MARCHF1: variants seen among roughly 807,000 people sequenced by gnomAD.
The protein encoded by MARCHF1 is E3 ubiquitin-protein ligase MARCHF1.
Under a neutral mutation model 54.2 loss-of-function variants are expected in MARCHF1, and 40 were observed. The ratio of observed to expected loss-of-function variants is 0.74; its 90% CI spans 0.57 to 0.96. The LOEUF is 0.96. Among genes scored for constraint, MARCHF1 ranks in the 40% least tolerant of loss-of-function variants. MARCHF1 has a pLI of 0.00. For missense variants in MARCHF1, 586 were observed against 656.5 expected, an observed-to-expected ratio of 0.89 and a Z score of 1.17; for synonymous variants, 236 against 236.3, an observed-to-expected ratio of 1.00 and a Z score of 0.01.
At chr4:164,311,198 T>C (rs1028539849) in intron 1 of MARCHF1, among the ~76,000 whole-genome samples, 10 of 152,158 alleles carry the variant, frequency 6.6e-5, no homozygotes, top group African/African-American at 2.4e-4. Flanking sequence ...GATAGATATG[T>C]ACTGATCTAT....
At chr4:163,723,353 C>G (rs554825487) in intron 4 of MARCHF1, among the ~76,000 whole-genome samples, 1 of 152,164 alleles carries the variant, frequency 6.6e-6, no homozygotes, top group Non-Finnish European at 1.5e-5. Context: ...ATATTGGCCC[C>G]CACTCTCTTC....
chr4:163,749,259 C>A (rs141388932), intron 4 of MARCHF1, among the ~76,000 whole-genome samples: 5 of 151,948 alleles, frequency 3.3e-5, no homozygotes, highest in Non-Finnish European at 7.4e-5. Context: ...TCATTACTGA[C>A]CTTTCTAAAT....
intron 3 of MARCHF1, among the ~76,000 whole-genome samples, chr4:163,897,597 T>C (rs903406132): frequency 2.6e-5 from 4 of 151,492 alleles, no homozygotes; most frequent in African/African-American, 9.7e-5. Flanking sequence ...ATCAACAAAG[T>C]TGACAAAAAT....
chr4:163,669,748 G>A (rs765891674), intron 5 of MARCHF1, among the ~76,000 whole-genome samples: 3 of 151,948 alleles, frequency 2.0e-5, no homozygotes, highest in Non-Finnish European at 4.4e-5. Context: ...ACAGGCACCT[G>A]CCACCATACC....
intron 5 of MARCHF1, among the ~76,000 whole-genome samples, chr4:163,657,763 T>C (rs145321903): frequency 6.6e-6 from 1 of 152,238 alleles, no homozygotes; most frequent in East Asian, 1.9e-4. Context: ...ACTACACATC[T>C]ACAGCCATCT....
At chr4:164,234,641 G>A (rs888358725) in intron 1 of MARCHF1, among the ~76,000 whole-genome samples, 1 of 152,056 alleles carries the variant, frequency 6.6e-6, no homozygotes, top group Non-Finnish European at 1.5e-5. Flanking sequence ...CCTTTTTCAA[G>A]CTTTTTCAAG....
chr4:163,664,142 G>A (rs1291884602), intron 5 of MARCHF1, among the ~76,000 whole-genome samples: 1 of 152,076 alleles, frequency 6.6e-6, no homozygotes, highest in Non-Finnish European at 1.5e-5. Flanking sequence ...GAAACAAACA[G>A]GAAGAAGTTT....
rs60753810 is a variant in MARCHF1, at chr4:164,081,207, CAAAAAAAAAAA to C, written c.-248+30370_-248+30380del. Among the ~76,000 whole-genome samples the C allele has an allele frequency of 6.0e-3, 110 of 18,402 alleles. 4 individuals are homozygous for C. The East Asian group carries it at 0.089, about 15-fold the overall frequency. 12.1% of individuals were successfully genotyped at this position (18,402 alleles called of 152,430 possible). On this transcript the variant is annotated intron_variant, in intron 2 of 9. Coordinates refer to ENST00000514618, the MANE Select transcript of MARCHF1 (RefSeq NM_001394959.1). Reference sequence around the variant, plus strand: ...TGGGCGACAGAGCCAGACGCTGTCTCAAAAAAAAAAAAAAAAAAAAAAAAAAAAAAGAAATA... The same window carrying C: ...TGGGCGACAGAGCCAGACGCTGTCTCAAAAAAAAAAAAAAAAAAAGAAATA...
In MARCHF1 at chr4:163,751,133, TTGTGTGTG is replaced by T. The variant is rs70948664; in HGVS notation, c.112-50278_112-50271del. ...GACAGAGGTGTCAGCTATTACCACTTTGTGTGTGTGTGTGTGTGTGTGTGTGTGTGTGT... is the reference window on the plus strand; with the variant it reads ...GACAGAGGTGTCAGCTATTACCACTTTGTGTGTGTGTGTGTGTGTGTGTGT... On this transcript the variant is annotated intron_variant, in intron 4 of 9. Coordinates refer to ENST00000514618, the MANE Select transcript of MARCHF1 (RefSeq NM_001394959.1). Among the ~76,000 whole-genome samples, 847 of 147,176 alleles carry T rather than the reference TTGTGTGTG, an allele frequency of 5.8e-3. 7 individuals carry two copies. Among genetic ancestry groups the T allele is most frequent in the African/African-American group, 0.014 (562 of 39,578 alleles).
At chr4:164,264,753 C>G (rs774175021) in intron 1 of MARCHF1, among the ~76,000 whole-genome samples, 23 of 151,920 alleles carry the variant, frequency 1.5e-4, no homozygotes, top group Non-Finnish European at 3.1e-4. Context: ...AACCCCATCT[C>G]TACTAAAAAT....
At chr4:164,149,176 G>A (rs374003395) in intron 1 of MARCHF1, among the ~76,000 whole-genome samples, 9 of 152,240 alleles carry the variant, frequency 5.9e-5, no homozygotes, top group African/African-American at 2.2e-4. Flanking sequence ...TAAATTTCCT[G>A]ATGCCTCATC....
At chr4:164,210,645 T>G (rs1221785950) in intron 1 of MARCHF1, among the ~76,000 whole-genome samples, 2 of 151,942 alleles carry the variant, frequency 1.3e-5, no homozygotes, top group Admixed American at 1.3e-4. Flanking sequence ...AAGAAATGAG[T>G]GGATAAGTTC....
At chr4:164,145,441 G>T (rs144076815) in intron 1 of MARCHF1, among the ~76,000 whole-genome samples, 3 of 151,840 alleles carry the variant, frequency 2.0e-5, no homozygotes, top group African/African-American at 7.3e-5. Flanking sequence ...CTGGCAAAAC[G>T]AATCCAGCAG....
chr4:164,082,903 A>G (rs978193156), intron 2 of MARCHF1, among the ~76,000 whole-genome samples: 20 of 152,208 alleles, frequency 1.3e-4, no homozygotes, highest in African/African-American at 4.8e-4. Context: ...AATTTGAATC[A>G]ACATTAAAAA....
At chr4:163,783,540 G>A (rs1747529529) in intron 4 of MARCHF1, among the ~76,000 whole-genome samples, 1 of 152,164 alleles carries the variant, frequency 6.6e-6, no homozygotes, top group South Asian at 2.1e-4. Context: ...TGAGATCTGA[G>A]TCATCTGTCT....
At chr4:163,634,423 CA>C (rs1309438479) in intron 5 of MARCHF1, among the ~76,000 whole-genome samples, 2 of 143,422 alleles carry the variant, frequency 1.4e-5, no homozygotes, top group Non-Finnish European at 3.0e-5. Flanking sequence ...AAATGGAAAA[CA>C]AAAAAAGGCA....
In MARCHF1 at chr4:164,170,324, T is replaced by C. The variant is rs141667781; in HGVS notation, c.-322-58662A>G. Among the ~76,000 whole-genome samples the C allele has an allele frequency of 4.2e-4, 64 of 152,216 alleles. 1 individual carries two copies. The East Asian group carries it at 0.012, about 28-fold the overall frequency. On this transcript the variant is annotated intron_variant, in intron 1 of 9. Transcript: ENST00000514618. ...AAGCTTAACAGGTATTAACTGCTTTTAATGAAAATATCTTTAGAGTTTGTG... is the reference window on the plus strand; with the variant it reads ...AAGCTTAACAGGTATTAACTGCTTTCAATGAAAATATCTTTAGAGTTTGTG...
chr4:164,156,630 C>T (rs1054789497), intron 1 of MARCHF1, among the ~76,000 whole-genome samples: 12 of 152,050 alleles, frequency 7.9e-5, no homozygotes, highest in African/African-American at 2.9e-4. Context: ...CCATGTTGCC[C>T]AGGTCGGTCT....
intron 4 of MARCHF1, among the ~76,000 whole-genome samples, chr4:163,777,470 T>C (rs1346543100): frequency 6.6e-6 from 1 of 152,086 alleles, no homozygotes; most frequent in African/African-American, 2.4e-5. Flanking sequence ...AGGCATTACA[T>C]GTTCACTGCA....
Sources: allele counts gnomAD v4.1 joint callset (sites outside exome capture counted in the v4.1 genomes callset), GRCh38; gene constraint gnomAD v4.1.1; transcripts MANE v1.5; gene names NCBI Gene and HGNC (gene_info 2026-07-23, HGNC 2026-07-21).